ZBTB7C: variants seen among roughly 807,000 people sequenced by gnomAD.
ZBTB7C encodes the protein zinc finger and BTB domain containing 7C.
In ZBTB7C, 8 loss-of-function variants were observed where a neutral mutation model predicts 25.7. The observed-to-expected ratio is 0.31, with a 90% confidence interval of 0.18 to 0.56. The LOEUF is 0.56. Among genes scored for constraint, ZBTB7C ranks in the 20% least tolerant of loss-of-function variants. The probability of loss-of-function intolerance (pLI) is 0.91; values close to 1 mark genes in which losing one functional copy is unlikely to be tolerated. For missense variants in ZBTB7C, 824 were observed against 855.2 expected, an observed-to-expected ratio of 0.96 and a Z score of 0.46; for synonymous variants, 394 against 369.0, an observed-to-expected ratio of 1.07 and a Z score of -0.78.
At chr18:48,143,932 C>G (rs71355332) in intron 3 of ZBTB7C, among the ~76,000 whole-genome samples, 3 of 152,128 alleles carry the variant, frequency 2.0e-5, no homozygotes, top group Non-Finnish European at 4.4e-5. Context: ...CAGTCCGGCC[C>G]AACTCTGAAT....
chr18:48,032,079 C>G (rs1340175081), intron 4 of ZBTB7C, among the ~76,000 whole-genome samples: 1 of 152,136 alleles, frequency 6.6e-6, no homozygotes, highest in Non-Finnish European at 1.5e-5. Flanking sequence ...CATCTCATTA[C>G]TCCTCACCAC....
chr18:48,360,214 A>G (rs538274425), intron 1 of ZBTB7C, among the ~76,000 whole-genome samples: 1 of 152,380 alleles, frequency 6.6e-6, no homozygotes, highest in East Asian at 1.9e-4. Flanking sequence ...ATTCAATTCT[A>G]TAAACATTTG....
chr18:48,032,457 C>T (rs1410150905), intron 4 of ZBTB7C, among the ~76,000 whole-genome samples: 12 of 85,286 alleles, frequency 1.4e-4, no homozygotes, highest in African/African-American at 5.6e-4. Flanking sequence ...TTTTTTGAGA[C>T]GGAGTCTCGC....
intron 3 of ZBTB7C, among the ~76,000 whole-genome samples, chr18:48,156,590 C>T (rs142787555): frequency 2.6e-4 from 39 of 152,294 alleles, no homozygotes; most frequent in African/African-American, 7.2e-4. Context: ...ATGGAGCCAC[C>T]AGATTGAAGC....
intron 3 of ZBTB7C, among the ~76,000 whole-genome samples, chr18:48,185,691 T>C (rs1568286968): frequency 6.6e-6 from 1 of 152,088 alleles, no homozygotes; most frequent in African/African-American, 2.4e-5. Flanking sequence ...AGGGAGTGAC[T>C]CTTTCATGAG....
At chr18:48,053,444 C>T (rs527536984) in intron 3 of ZBTB7C, among the ~76,000 whole-genome samples, 1 of 152,038 alleles carries the variant, frequency 6.6e-6, no homozygotes, top group East Asian at 1.9e-4. Context: ...AAACTGGTCA[C>T]TGAGATGTAC....
chr18:48,194,599 G>T (rs2042274119), intron 2 of ZBTB7C, among the ~76,000 whole-genome samples: 1 of 152,136 alleles, frequency 6.6e-6, no homozygotes, highest in African/African-American at 2.4e-5. Flanking sequence ...GGAGAGATAG[G>T]GGTGAAGGGC....
intron 1 of ZBTB7C, among the ~76,000 whole-genome samples, chr18:48,363,200 TG>T (rs1239567466): frequency 1.7e-4 from 26 of 149,492 alleles, no homozygotes; most frequent in African/African-American, 6.3e-4. Context: ...GTGTTCTTGC[TG>T]CTCGGGAGGG....
chr18:48,358,195 T>A (rs1296359411), intron 1 of ZBTB7C, among the ~76,000 whole-genome samples: 1 of 152,008 alleles, frequency 6.6e-6, no homozygotes, highest in African/African-American at 2.4e-5. Context: ...CCACTAAAAA[T>A]ACAAAAATTA....
intron 3 of ZBTB7C, among the ~76,000 whole-genome samples, chr18:48,068,057 G>T (rs1229677103): frequency 1.3e-5 from 2 of 151,690 alleles, no homozygotes; most frequent in African/African-American, 4.8e-5. Flanking sequence ...CCATCCTATT[G>T]GTTCTGCTTC....
chr18:48,122,909 GC>G (rs1317830601), intron 3 of ZBTB7C, among the ~76,000 whole-genome samples: 1 of 152,070 alleles, frequency 6.6e-6, no homozygotes, highest in African/African-American at 2.4e-5. Flanking sequence ...CACTCTAACC[GC>G]CCCCCACTCC....
At chr18:48,147,526 T>C (rs956541971) in intron 3 of ZBTB7C, 2 of 152,218 alleles carry the variant, frequency 1.3e-5, no homozygotes, top group African/African-American at 4.8e-5. Flanking sequence ...TGATGAAGGA[T>C]GACTATTGTT....
At chr18:48,068,389 T>C (rs1376103825) in intron 3 of ZBTB7C, among the ~76,000 whole-genome samples, 3 of 152,076 alleles carry the variant, frequency 2.0e-5, no homozygotes, top group Non-Finnish European at 4.4e-5. Context: ...TCTGCCCGCC[T>C]TGGCCTCCCA....
At chr18:48,281,060 G>C (rs1015727265) in intron 2 of ZBTB7C, among the ~76,000 whole-genome samples, 1 of 152,020 alleles carries the variant, frequency 6.6e-6, no homozygotes, top group African/African-American at 2.4e-5. Context: ...CGCCATGTTG[G>C]CCAGACTGGT....
rs143293097 is a variant in ZBTB7C, at chr18:48,132,443, T to A, written c.-17+53491A>T. On this transcript the variant is annotated intron_variant, in intron 3 of 4. Coordinates refer to ENST00000590800, the MANE Select transcript of ZBTB7C (RefSeq NM_001318841.2). ...GGGTGAAATGGGCAGTGACTGCTAA[T>A]GGGTACAGTATTTCCTTTGGAGTAA... Among the ~76,000 whole-genome samples the A allele has an allele frequency of 2.1e-3, 320 of 152,316 alleles. 3 individuals are homozygous for A. Among genetic ancestry groups the A allele is most frequent in the African/African-American group, 7.4e-3 (306 of 41,560 alleles).
chr18:48,082,380 C>A (rs1180036073), intron 3 of ZBTB7C, among the ~76,000 whole-genome samples: 1 of 152,126 alleles, frequency 6.6e-6, no homozygotes, highest in Non-Finnish European at 1.5e-5. Context: ...GTATTTTCAA[C>A]CCACCTACAT....
At chr18:48,096,127 G>C (rs2038624152) in intron 3 of ZBTB7C, among the ~76,000 whole-genome samples, 1 of 152,170 alleles carries the variant, frequency 6.6e-6, no homozygotes, top group Non-Finnish European at 1.5e-5. Context: ...GTTTCCTTTA[G>C]TTCAGGCAAG....
intron 3 of ZBTB7C, among the ~76,000 whole-genome samples, chr18:48,067,907 A>C (rs2037390287): frequency 6.6e-6 from 1 of 152,164 alleles, no homozygotes; most frequent in South Asian, 2.1e-4. Flanking sequence ...AAGCTAAGTC[A>C]GGAGAATCAC....
intron 2 of ZBTB7C, among the ~76,000 whole-genome samples, chr18:48,305,888 A>G (rs2045660935): frequency 6.6e-6 from 1 of 152,206 alleles, no homozygotes; most frequent in Non-Finnish European, 1.5e-5. Flanking sequence ...GCCAGCCCAC[A>G]GGAAACATGA....
Sources: allele counts gnomAD v4.1 joint callset (sites outside exome capture counted in the v4.1 genomes callset), GRCh38; gene constraint gnomAD v4.1.1; transcripts MANE v1.5; gene names NCBI Gene and HGNC (gene_info 2026-07-23, HGNC 2026-07-21).